Variants in ZNF292 observed in about 807,000 individuals in gnomAD.
ZNF292 encodes zinc finger protein 292, also known as 16 zinc-finger domain protein.
ZNF292 carries 26 observed loss-of-function variants against 217.9 expected under a neutral mutation model. That is an observed-to-expected ratio of 0.12 (90% confidence interval 0.09 to 0.17). ZNF292 has a LOEUF of 0.17. Among genes scored for constraint, ZNF292 ranks in the 10% least tolerant of loss-of-function variants. The probability of loss-of-function intolerance (pLI) is 1.00; values close to 1 mark genes in which losing one functional copy is unlikely to be tolerated. For missense variants in ZNF292, 2,904 were observed against 3,175.2 expected (o/e 0.91, Z 2.05); for synonymous variants, 1,257 against 1,124.1 (o/e 1.12, Z -2.37).
At chr6:87,225,033 C>T (rs1285373118) in intron 4 of ZNF292, among the ~76,000 whole-genome samples, 1 of 152,030 alleles carries the variant, frequency 6.6e-6, no homozygotes, top group Non-Finnish European at 1.5e-5. Flanking sequence ...TGGTATTGTC[C>T]GTTTTTGGAA....
rs772700317 is a variant in ZNF292 at position 87,258,548 on chromosome 6, C to T, written c.4919C>T (p.Ala1640Val). 1.9e-5 allele frequency: 31 copies of T among 1,613,616 alleles called. No individual in the cohort carries two copies. Among genetic ancestry groups the T allele is most frequent in the South Asian group, 1.1e-5 (1 of 91,074 alleles). The change falls in exon 8 of 8, where the codon GCA becomes GTA. Residue 1640 changes from alanine (A) to valine (V), a missense_variant. By Grantham distance (64) the Ala-to-Val change is moderately conservative. Around this residue, in one of 15 missense-constraint regions of ZNF292, gnomAD observed 622 missense variants for 573.1 expected, o/e 1.09. Coordinates refer to ENST00000369577, the MANE Select transcript of ZNF292 (RefSeq NM_015021.3). ...AAGAAAGTTGCTCCTCCACTAATTG[C>T]ACCTAACGCTTCCCAAAACTTGGTA... ...RRKKVAPPLI[A>V]PNASQNLVTS...
chr6:87,179,149 T>C (rs915655998), intron 1 of ZNF292, among the ~76,000 whole-genome samples: 3 of 143,608 alleles, frequency 2.1e-5, no homozygotes, highest in African/African-American at 8.1e-5. Context: ...GTATTTGTGA[T>C]ATATGTGGCT....
chr6:87,181,451 G>A (rs1385353034), intron 1 of ZNF292, among the ~76,000 whole-genome samples: 5 of 152,112 alleles, frequency 3.3e-5, no homozygotes, highest in Admixed American at 2.0e-4. Flanking sequence ...GTTTGTGTGT[G>A]TGCCCACTAA....
At chr6:87,229,230 A>G (rs891232371) in intron 4 of ZNF292, among the ~76,000 whole-genome samples, 1 of 152,196 alleles carries the variant, frequency 6.6e-6, no homozygotes, top group Admixed American at 6.5e-5. Context: ...GTTAGTGTAC[A>G]GATGCAACTG....
Position 87,254,728 on chromosome 6 carries a change from G to C in ZNF292, c.1099G>C (p.Val367Leu), listed in dbSNP as rs1775115657. 1 of 1,613,950 alleles carries C rather than the reference G, an allele frequency of 6.2e-7. No individual in the cohort carries two copies. Among genetic ancestry groups the C allele is most frequent in the Non-Finnish European group, 8.5e-7 (1 of 1,179,832 alleles). ...LRLESTENTE[V>L]KISICKTISC... ...CTTGGAGTCTACAGAAAATACTGAA[G>C]TGAAAATATCTATTTGCAAGACCAT... The change falls in exon 8 of 8, where the codon GTG becomes CTG. Residue 367 changes from valine (V) to leucine (L), a missense_variant. Physicochemically the swap from Val to Leu is conservative, Grantham distance 32 (BLOSUM62 1). Around this residue, in one of 15 missense-constraint regions of ZNF292, gnomAD observed 313 missense variants for 451.0 expected, o/e 0.69. Transcript: ENST00000369577.
In ZNF292 at chr6:87,254,816, T is replaced by C. The variant is rs778439818; in HGVS notation, c.1187T>C (p.Ile396Thr). Residue 396 changes from isoleucine (I) to threonine (T), a missense_variant, in exon 8 of 8, where the codon ATT becomes ACT. Around this residue, in one of 15 missense-constraint regions of ZNF292, gnomAD observed 313 missense variants for 451.0 expected, o/e 0.69. Coordinates refer to ENST00000369577, the MANE Select transcript of ZNF292 (RefSeq NM_015021.3). ...GCTTGTCAACTGAGTGAATTTCTTA[T>C]TGAGCCTACAGTAGATGCGTATTAT... ...KRACQLSEFLIEPTVDAYYAV... is the reference protein window; with the variant it reads ...KRACQLSEFLTEPTVDAYYAV... 8.7e-6 allele frequency: 14 copies of C among 1,613,816 alleles called. No homozygotes were observed. The highest frequency in any genetic ancestry group is 2.2e-5 in the East Asian group (1 of 44,880).
chr6:87,249,143 T>G (rs1774761588), intron 7 of ZNF292, among the ~76,000 whole-genome samples: 1 of 152,176 alleles, frequency 6.6e-6, no homozygotes, highest in Non-Finnish European at 1.5e-5. Flanking sequence ...GTTCATTGGT[T>G]TTTGAGAGAG....
chr6:87,237,873 A>T (rs1227770394), intron 5 of ZNF292, among the ~76,000 whole-genome samples: 1 of 152,154 alleles, frequency 6.6e-6, no homozygotes, highest in Non-Finnish European at 1.5e-5. Context: ...GTAATCTCTG[A>T]ATTTTGCTTC....
intron 7 of ZNF292, among the ~76,000 whole-genome samples, chr6:87,247,913 A>G (rs1774686634): frequency 6.6e-6 from 1 of 152,224 alleles, no homozygotes; most frequent in African/African-American, 2.4e-5. Flanking sequence ...TCGAAATGAA[A>G]ATTTTAGCAG....
rs763025938 is a variant in ZNF292, at chr6:87,256,852, C to T, written c.3223C>T (p.Pro1075Ser). ...LKTLESIAFV[P>S]PQSDLSNSLG... ...GACATTAGAAAGTATTGCATTTGTT[C>T]CACCGCAGTCCGACCTAAGTAATTC... Residue 1075 changes from proline (P) to serine (S), a missense_variant, in exon 8 of 8, where the codon CCA (proline) becomes TCA (serine). Transcript: ENST00000369577. 6.8e-6 allele frequency: 11 copies of T among 1,613,772 alleles called. No homozygotes were observed. The highest frequency in any genetic ancestry group is 9.3e-6 in the Non-Finnish European group (11 of 1,179,802).
intron 5 of ZNF292, chr6:87,233,765 AT>A (rs1773766567): frequency 1.7e-6 from 1 of 601,360 alleles, no homozygotes; most frequent in Admixed American, 6.3e-5. Context: ...CTTTGGCTAA[AT>A]TGTGGGAAAG....
rs66511840 is a variant in ZNF292, at chr6:87,253,220, CTTTTTT to C, written c.1021-1413_1021-1408del. ...TAAACCATGAGCCACCATGCCCAGCCTTTTTTTTTTTTTTTTTTTTTTGAGACAGGG... is the reference window on the plus strand; with the variant it reads ...TAAACCATGAGCCACCATGCCCAGCCTTTTTTTTTTTTTTTTGAGACAGGG... On this transcript the variant is annotated intron_variant, in intron 7 of 7. Coordinates refer to ENST00000369577, the MANE Select transcript of ZNF292 (RefSeq NM_015021.3). Among the ~76,000 whole-genome samples the C allele has an allele frequency of 3.4e-3, 400 of 118,938 alleles. 1 individual carries two copies. The highest frequency in any genetic ancestry group is 0.01 in the African/African-American group (304 of 29,456). The allele number at this position is 118,938 out of a possible 152,430, so 78.0% of individuals were successfully genotyped here.
intron 4 of ZNF292, among the ~76,000 whole-genome samples, chr6:87,228,200 C>T (rs760573557): frequency 5.3e-5 from 8 of 151,952 alleles, no homozygotes; most frequent in Middle Eastern, 3.2e-3. Context: ...TTTGATGTTT[C>T]GTATGCTTGT....
At chr6:87,155,870 C>T in intron 1 of ZNF292, 111 bp downstream of exon 1, 5 of 1,353,996 alleles carry the variant, frequency 3.7e-6, no homozygotes, top group Middle Eastern at 2.7e-4. Flanking sequence ...TCATCGGCGC[C>T]TCCGCCTGGG....
intron 1 of ZNF292, among the ~76,000 whole-genome samples, chr6:87,164,929 A>ATT (rs71554705): frequency 6.1e-4 from 86 of 141,960 alleles, no homozygotes; most frequent in Middle Eastern, 3.7e-3. Context: ...TGCCCGTCTA[A>ATT]TTTTTTTTTT....
chr6:87,247,077 C>T lies in ZNF292; in HGVS notation c.1020+1433C>T, dbSNP rs958378706. ...AGCTGAGACACAGGAATCGCTTGAG[C>T]CCAGGAGGTGGAGGTTACAGTGAGC... On this transcript the variant is annotated intron_variant, in intron 7 of 7. Transcript: ENST00000369577. Among the ~76,000 whole-genome samples the T allele has an allele frequency of 2.0e-5, 3 of 151,688 alleles. No individual in the cohort carries two copies. The South Asian group carries it at 6.2e-4, about 31-fold the overall frequency.
Position 87,255,224 on chromosome 6 carries a change from C to T in ZNF292, c.1595C>T (p.Ala532Val), listed in dbSNP as rs892830883. The stretch of plus-strand genomic sequence containing the variant: ...TTAAGAGAGAGGGGATTTATATCTG[C>T]TCGGTTTAGGAATTGGCAAGCCTAC... ...KQLRERGFIS[A>V]RFRNWQAYMQ... The change falls in exon 8 of 8, where the codon GCT becomes GTT. Residue 532 changes from alanine (A) to valine (V), a missense_variant. Ala to Val is a moderately conservative substitution (Grantham distance 64, BLOSUM62 0). Transcript: ENST00000369577. 2 of 1,613,694 alleles carry T rather than the reference C, an allele frequency of 1.2e-6. No homozygotes were observed. Among genetic ancestry groups the T allele is most frequent in the South Asian group, 1.1e-5 (1 of 91,082 alleles).
chr6:87,247,393 C>G lies in ZNF292; in HGVS notation c.1020+1749C>G, dbSNP rs542889480. On this transcript the variant is annotated intron_variant, in intron 7 of 7. Coordinates refer to ENST00000369577, the MANE Select transcript of ZNF292 (RefSeq NM_015021.3). ...AGACTAGAAAAATAATACTGTCTAA[C>G]ACATATGGATGGTAGGGAATTTTAG... 3.3e-5 allele frequency among the ~76,000 whole-genome samples: 5 copies of G among 152,176 alleles called. No individual in the cohort carries two copies. The East Asian group carries it at 9.7e-4, about 29-fold the overall frequency.
chr6:87,261,130 G>C lies in ZNF292; in HGVS notation c.7501G>C (p.Glu2501Gln). The C allele has an allele frequency of 6.2e-7, 1 of 1,612,806 alleles. No individual in the cohort carries two copies. The highest frequency in any genetic ancestry group is 8.5e-7 in the Non-Finnish European group (1 of 1,179,476). Reference protein sequence around the residue: ...KLINEDSTSVETQANTSSNVS... With the variant: ...KLINEDSTSVQTQANTSSNVS... ...AATAAATGAAGATAGCACAAGTGTA[G>C]AGACCCAAGCTAATACTTCTTCAAA... The change falls in exon 8 of 8, where the codon GAG (glutamate) becomes CAG (glutamine). Residue 2501 changes from glutamate to glutamine, a missense_variant. Physicochemically the swap from Glu to Gln is conservative, Grantham distance 29 (BLOSUM62 2). Coordinates refer to ENST00000369577, the MANE Select transcript of ZNF292 (RefSeq NM_015021.3).
Sources: allele counts gnomAD v4.1 joint callset (sites outside exome capture counted in the v4.1 genomes callset), GRCh38; gene constraint gnomAD v4.1.1; regional missense constraint gnomAD v4.1.1; transcripts MANE v1.5; gene names NCBI Gene and HGNC (gene_info 2026-07-23, HGNC 2026-07-21).